The following KPNB1 variants were observed in gnomAD, a reference collection of about 807,000 sequenced individuals.
KPNB1 encodes the protein karyopherin subunit beta 1, also known as importin subunit beta-1.
A neutral mutation model predicts 113.0 loss-of-function variants in KPNB1; 7 were observed. The observed-to-expected ratio is 0.06, with a 90% CI of 0.04 to 0.12. The LOEUF is 0.12. Ranked by LOEUF, KPNB1 falls within the 10% of genes least tolerant of loss-of-function variation. KPNB1 has a pLI of 1.00. For missense variants in KPNB1, 400 were observed against 1,054.8 expected (o/e 0.38, Z 8.60); for synonymous variants, 363 against 378.6 (o/e 0.96, Z 0.48).
intron 3 of KPNB1, among the ~76,000 whole-genome samples, chr17:47,654,212 C>T (rs1211684952): frequency 6.6e-6 from 1 of 152,064 alleles, no homozygotes; most frequent in African/African-American, 2.4e-5. Flanking sequence ...GTCAGGAGTT[C>T]GAGACCAGCC....
intron 16 of KPNB1, 60 bp downstream of exon 16, chr17:47,676,551 A>T: frequency 7.8e-7 from 1 of 1,283,546 alleles, no homozygotes; most frequent in Non-Finnish European, 1.1e-6. Context: ...ACTGTAGTGC[A>T]CGCAAAACCA....
At chr17:47,665,932 G>A (rs2030252812) in intron 9 of KPNB1, among the ~76,000 whole-genome samples, 1 of 152,160 alleles carries the variant, frequency 6.6e-6, no homozygotes, top group Non-Finnish European at 1.5e-5. Flanking sequence ...TTGTTTTTAG[G>A]GATGTGTATA....
intron 9 of KPNB1, among the ~76,000 whole-genome samples, chr17:47,666,558 TTA>T (rs1399653653): frequency 2.8e-5 from 4 of 140,548 alleles, no homozygotes; most frequent in Non-Finnish European, 4.6e-5. Context: ...ATATATTATG[TTA>T]TATGTTATAT....
rs755565036 is a variant in KPNB1 at position 47,675,372 on chromosome 17, G to GTTTTTT, written c.1912+597_1912+602dup. Among the ~76,000 whole-genome samples, 7 of 86,074 alleles carry GTTTTTT rather than the reference G, an allele frequency of 8.1e-5. 1 individual carries two copies. Among genetic ancestry groups the GTTTTTT allele is most frequent in the African/African-American group, 1.5e-4 (3 of 19,424 alleles). 56.5% of individuals were successfully genotyped at this position (86,074 alleles called of 152,430 possible). A position where few individuals can be genotyped will look rare whatever the true frequency, so the allele number is the denominator to read the frequency against. On this transcript the variant is annotated intron_variant, in intron 15 of 21. Transcript: ENST00000290158. Reference sequence around the variant, plus strand: ...TTGGCAGAGGTGTTGTTTTTTTTTTGTTTTTTTTTTTTGTTTGTTTTTTTT... The same window carrying GTTTTTT: ...TTGGCAGAGGTGTTGTTTTTTTTTTGTTTTTTTTTTTTTTTTTTGTTTGTTTTTTTT...
intron 15 of KPNB1, among the ~76,000 whole-genome samples, chr17:47,675,358 G>GTTTTTTTTTTTTT (rs1555619221): frequency 3.4e-5 from 3 of 88,858 alleles, no homozygotes; most frequent in East Asian, 2.8e-4. Context: ...TGGCAGAGGT[G>GTTTTTTTTTTTTT]TTGTTTTTTT....
rs767592001 is a variant in KPNB1 at position 47,669,821 on chromosome 17, G to A, written c.1368G>A (p.Leu456=). The part of the protein sequence containing the change: ...DVYLAPLLQC[L]IEGLSAEPRV... ...ACTTGGCTCCCCTGCTACAGTGTCT[G>A]ATTGAGGGTCTCAGTGCTGAACCCA... The change falls in exon 11 of 22, where the codon CTG becomes CTA. Residue 456 remains leucine (L), a synonymous_variant. Transcript: ENST00000290158. 12 of 1,614,064 alleles carry A rather than the reference G, an allele frequency of 7.4e-6. No individual in the cohort carries two copies. The Middle Eastern group carries it at 1.3e-3, about 178-fold the overall frequency.
At chr17:47,671,471 A>G (rs559635007) in intron 12 of KPNB1, among the ~76,000 whole-genome samples, 8 of 152,292 alleles carry the variant, frequency 5.3e-5, no homozygotes, top group African/African-American at 1.9e-4. Context: ...GAGAAATGAT[A>G]GTACTCATTA....
intron 9 of KPNB1, among the ~76,000 whole-genome samples, chr17:47,666,300 G>T (rs570418247): frequency 1.3e-5 from 2 of 151,542 alleles, no homozygotes; most frequent in African/African-American, 2.4e-5. Context: ...TGATCCGCCC[G>T]CCTCAGCTTC....
chr17:47,654,152 T>C (rs183068993), intron 3 of KPNB1, among the ~76,000 whole-genome samples: 78 of 152,266 alleles, frequency 5.1e-4, no homozygotes, highest in African/African-American at 1.7e-3. Flanking sequence ...CAGTGGCTCA[T>C]GCCTGTCATC....
chr17:47,681,371 C>G (rs1400678257), intron 21 of KPNB1, among the ~76,000 whole-genome samples: 1 of 150,716 alleles, frequency 6.6e-6, no homozygotes, highest in Admixed American at 6.6e-5. Context: ...CGGGTTCAAG[C>G]AGTTCTCTGC....
chr17:47,663,596 G>A (rs1341216584), intron 7 of KPNB1, among the ~76,000 whole-genome samples: 1 of 152,002 alleles, frequency 6.6e-6, no homozygotes, highest in Non-Finnish European at 1.5e-5. Flanking sequence ...CCCAGGAGAC[G>A]GAGGGTGCAG....
chr17:47,666,607 T>C (rs929843909), intron 9 of KPNB1, among the ~76,000 whole-genome samples: 1 of 145,798 alleles, frequency 6.9e-6, no homozygotes, highest in Non-Finnish European at 1.5e-5. Flanking sequence ...TAATTATATA[T>C]ATTTTATATA....
intron 9 of KPNB1, among the ~76,000 whole-genome samples, chr17:47,665,916 A>G (rs2030252638): frequency 6.6e-6 from 1 of 152,236 alleles, no homozygotes; most frequent in African/African-American, 2.4e-5. Flanking sequence ...GTACACAGGA[A>G]TGTAATTGTT....
chr17:47,673,349 A>G (rs2030505072), intron 13 of KPNB1, 141 bp from the exon 14 acceptor site: 2 of 865,932 alleles, frequency 2.3e-6, no homozygotes, highest in South Asian at 3.3e-5. Context: ...GTTTACTCAT[A>G]TATGTGTTAC....
intron 5 of KPNB1, among the ~76,000 whole-genome samples, chr17:47,660,848 C>G (rs973398706): frequency 1.3e-5 from 2 of 152,154 alleles, no homozygotes; most frequent in South Asian, 2.1e-4. Flanking sequence ...TTTTCTGTTT[C>G]CTCCCTGAAG....
rs1434776584 is a variant in KPNB1, at chr17:47,683,110, A to C, written c.*706A>C. On this transcript the variant is annotated 3_prime_UTR_variant, in exon 22 of 22. Transcript: ENST00000290158. ...AGATGTAAAAAAAAAAAAAAAAAAA[A>C]AAAAAAAAACACACACACAGAGGAA... 14 of 147,386 alleles carry C rather than the reference A, an allele frequency of 9.5e-5. No homozygotes were observed. The East Asian group carries it at 2.3e-3, about 25-fold the overall frequency. 9.1% of individuals were successfully genotyped at this position (147,386 alleles called of 1,614,324 possible).
Position 47,680,598 on chromosome 17 carries a change from G to A in KPNB1, c.2559G>A (p.Ser853=), listed in dbSNP as rs755441094. ...AATTGTTAACTGAAGGGCGGAGATCGAAGACTAACAAAGCAAAAACCCTTG... is the reference window on the plus strand; with the variant it reads ...AATTGTTAACTGAAGGGCGGAGATCAAAGACTAACAAAGCAAAAACCCTTG... ...IHELLTEGRR[S]KTNKAKTLAT... is the part of the protein sequence containing the mutation. The change falls in exon 21 of 22, where the codon TCG becomes TCA. Residue 853 remains serine, a synonymous_variant. Coordinates refer to ENST00000290158, the MANE Select transcript of KPNB1 (RefSeq NM_002265.6). 9.9e-6 allele frequency: 16 copies of A among 1,614,050 alleles called. No individual in the cohort carries two copies. Among genetic ancestry groups the A allele is most frequent in the East Asian group, 2.2e-5 (1 of 44,888 alleles).
intron 3 of KPNB1, among the ~76,000 whole-genome samples, chr17:47,654,500 G>A (rs1915666417): frequency 6.6e-6 from 1 of 151,824 alleles, no homozygotes; most frequent in South Asian, 2.1e-4. Flanking sequence ...ACAGTACCTT[G>A]GCCTTTTTCC....
At chr17:47,650,524 AG>A in intron 2 of KPNB1, 80 bp downstream of exon 2, 1 of 1,226,774 alleles carries the variant, frequency 8.2e-7, no homozygotes, top group Non-Finnish European at 1.1e-6. Flanking sequence ...CCGGAGGCCC[AG>A]GCCTCGGGAA....
Sources: allele counts gnomAD v4.1 joint callset (sites outside exome capture counted in the v4.1 genomes callset), GRCh38; gene constraint gnomAD v4.1.1; transcripts MANE v1.5; gene names NCBI Gene and HGNC (gene_info 2026-07-23, HGNC 2026-07-21).